Variants in WDR19 observed in about 807,000 individuals in gnomAD.
The protein encoded by WDR19 is WD repeat domain 19.
Under a neutral mutation model 180.0 loss-of-function variants are expected in WDR19, and 121 were observed. The ratio of observed to expected loss-of-function variants is 0.67; its 90% CI spans 0.58 to 0.78. WDR19 has a LOEUF of 0.78. Ranked by LOEUF, WDR19 falls within the 30% of genes least tolerant of loss-of-function variation. WDR19 has a pLI of 0.00. For missense variants in WDR19, 1,450 were observed against 1,640.7 expected (o/e 0.88, Z 2.01); for synonymous variants, 497 against 540.7 (o/e 0.92, Z 1.12).
intron 15 of WDR19, among the ~76,000 whole-genome samples, chr4:39,227,404 A>G (rs186879240): frequency 7.2e-5 from 11 of 152,272 alleles, no homozygotes; most frequent in Middle Eastern, 3.4e-3. Context: ...AGCCCACCCT[A>G]TCTGTGGGTT....
chr4:39,212,421 C>T (rs1304718069), intron 9 of WDR19, among the ~76,000 whole-genome samples: 7 of 152,058 alleles, frequency 4.6e-5, no homozygotes, highest in Admixed American at 4.6e-4. Context: ...ACCAAAAGTA[C>T]GATCTATAAA....
intron 1 of WDR19, among the ~76,000 whole-genome samples, chr4:39,184,735 C>T (rs35937374): frequency 0.45 from 68,674 of 152,040 alleles, 18,651 homozygotes; most frequent in East Asian, 0.62. Context: ...GACTAAGTCC[C>T]GTGTAACAGT....
intron 31 of WDR19, among the ~76,000 whole-genome samples, chr4:39,270,576 C>A (rs1578042194): frequency 6.6e-6 from 1 of 152,184 alleles, no homozygotes; most frequent in East Asian, 1.9e-4. Flanking sequence ...TGGGGTTTCA[C>A]CATGTTGGCC....
chr4:39,240,410 C>T (rs1022302925), intron 21 of WDR19, 76 bp downstream of exon 21: 41 of 920,526 alleles, frequency 4.5e-5, no homozygotes, highest in Non-Finnish European at 5.7e-5. Flanking sequence ...AAATCATGGT[C>T]TTATTTGTAT....
rs752803760 is a variant in WDR19 at position 39,216,129 on chromosome 4, C to A, written c.1168C>A (p.Pro390Thr). 2.3e-5 allele frequency: 37 copies of A among 1,593,850 alleles called. No homozygotes were observed. Among genetic ancestry groups the A allele is most frequent in the Middle Eastern group, 1.7e-4 (1 of 6,060 alleles). The change falls in exon 12 of 37, where the codon CCC (proline) becomes ACC (threonine). Residue 390 changes from proline (P) to threonine (T), a missense_variant. Coordinates refer to ENST00000399820, the MANE Select transcript of WDR19 (RefSeq NM_025132.4). ...AATCACAGTTTCTGTTGATGTGGAA[C>A]CCAACTTTGTGGCAGTAGGTCTTTA... ...LPITVSVDVE[P>T]NFVAVGLYHL...
chr4:39,185,827 C>T lies in WDR19; in HGVS notation c.98+10C>T, dbSNP rs746441289. 142 of 1,543,576 alleles carry T rather than the reference C, an allele frequency of 9.2e-5. No homozygotes were observed. Among genetic ancestry groups the T allele is most frequent in the Non-Finnish European group, 1.2e-4 (137 of 1,140,418 alleles). ...ACCTTGCAGTAACAGGGTAAGAAAC[C>T]AATGAATGTTTTAAGCAGTGGTTGC... is the stretch of plus-strand genomic sequence containing the variant. On this transcript the variant is annotated intron_variant, in intron 2 of 36. Transcript: ENST00000399820.
intron 6 of WDR19, among the ~76,000 whole-genome samples, chr4:39,203,149 A>AAGTGC (rs1202088432): frequency 6.9e-6 from 1 of 144,186 alleles, no homozygotes; most frequent in African/African-American, 2.6e-5. Flanking sequence ...TCTTGCTCTG[A>AAGTGC]AGTGCAGTGG....
rs1346233665 is a variant in WDR19, at chr4:39,274,616, T to C, written c.3566-192T>C. The C allele has an allele frequency of 8.2e-6, 5 of 606,282 alleles. No individual in the cohort carries two copies. The East Asian group carries it at 8.5e-5, about 10-fold the overall frequency. 37.6% of individuals were successfully genotyped at this position (606,282 alleles called of 1,614,324 possible). On this transcript the variant is annotated intron_variant, in intron 32 of 36. Coordinates refer to ENST00000399820, the MANE Select transcript of WDR19 (RefSeq NM_025132.4). Reference sequence around the variant, plus strand: ...CATGGTGTCATCAAAGGAAAAGCACTTGATGGGCAGTTAGCCTGACCCCAC... The same window carrying C: ...CATGGTGTCATCAAAGGAAAAGCACCTGATGGGCAGTTAGCCTGACCCCAC...
chr4:39,185,073 A>G (rs151176104), intron 1 of WDR19, among the ~76,000 whole-genome samples: 3 of 152,346 alleles, frequency 2.0e-5, no homozygotes, highest in East Asian at 3.9e-4. Context: ...TATACATTTT[A>G]TATTTACAGC....
chr4:39,217,311 A>T lies in WDR19; in HGVS notation c.1356+71A>T, dbSNP rs1480306044. ...ACAGCCTAATGTCTGATTATCAAGA[A>T]TATTGGTCAGGAAGCAAGGATGTAC... On this transcript the variant is annotated intron_variant, in intron 13 of 36. Transcript: ENST00000399820. The T allele has an allele frequency of 3.9e-6, 5 of 1,269,854 alleles. No individual in the cohort carries two copies. In the African/African-American group the frequency reaches 7.4e-5, roughly 19 times the overall value. The allele number at this position is 1,269,854 out of a possible 1,614,324, so 78.7% of individuals were successfully genotyped here.
chr4:39,202,282 T>C (rs1390976980), intron 6 of WDR19, among the ~76,000 whole-genome samples: 1 of 152,218 alleles, frequency 6.6e-6, no homozygotes, highest in Non-Finnish European at 1.5e-5. Context: ...TAATCATCTG[T>C]GTATACATTG....
chr4:39,263,916 C>T (rs2109475295), intron 28 of WDR19, among the ~76,000 whole-genome samples: 1 of 78,746 alleles, frequency 1.3e-5, no homozygotes, highest in East Asian at 3.8e-4. Flanking sequence ...AAGAGCGAAA[C>T]TCCATCTAAA....
At chr4:39,217,051 C>G (rs1729138746) in intron 12 of WDR19, 83 bp from the exon 13 acceptor site, 2 of 900,942 alleles carry the variant, frequency 2.2e-6, no homozygotes, top group Non-Finnish European at 3.3e-6. Context: ...TTTGCAAAAG[C>G]ACACCTTTTA....
chr4:39,195,387 C>CAAAAAAAAAAAAAAA (rs11372483), intron 5 of WDR19, among the ~76,000 whole-genome samples: 1 of 141,872 alleles, frequency 7.0e-6, no homozygotes, highest in Non-Finnish European at 1.5e-5. Context: ...AACAAAAAAA[C>CAAAAAAAAAAAAAAA]AAACAAACAA....
intron 14 of WDR19, among the ~76,000 whole-genome samples, chr4:39,221,494 A>G (rs1729698095): frequency 1.3e-5 from 2 of 152,224 alleles, no homozygotes; most frequent in South Asian, 2.1e-4. Flanking sequence ...TTTAATTGAT[A>G]TGCAAAAAAA....
At position 39,255,974 on chromosome 4, in the gene WDR19, A is replaced by G; in HGVS notation, c.3114+14A>G. The G allele has an allele frequency of 7.1e-7, 1 of 1,401,444 alleles. No homozygotes were observed. Among genetic ancestry groups the G allele is most frequent in the Non-Finnish European group, 9.6e-7 (1 of 1,044,600 alleles). 86.8% of individuals were successfully genotyped at this position (1,401,444 alleles called of 1,614,324 possible). ...CAATATTCACGAGTTAGTATTTGCC[A>G]AGAAAATATACACTGACTCCGCAGG... On this transcript the variant is annotated intron_variant, in intron 27 of 36. Coordinates refer to ENST00000399820, the MANE Select transcript of WDR19 (RefSeq NM_025132.4).
At position 39,205,154 on chromosome 4, in the gene WDR19, A is replaced by G. The variant is rs1727814465; in HGVS notation, c.604A>G (p.Ile202Val). 2 of 1,574,834 alleles carry G rather than the reference A, an allele frequency of 1.3e-6. No homozygotes were observed. The highest frequency in any genetic ancestry group is 1.9e-5 in the Admixed American group (1 of 54,042). The stretch of plus-strand genomic sequence containing the variant: ...ACAATCTCCTAATCTTTTCTGGCAG[A>G]TAAGTGTGGTGCTTGGCAAGAAAAC... Reference protein sequence around the residue: ...DDRTSAAESMISVVLGKKTLF... With the variant: ...DDRTSAAESMVSVVLGKKTLF... Residue 202 changes from isoleucine to valine, a missense_variant and splice_region_variant, in exon 8 of 37, where the codon ATA (isoleucine) becomes GTA (valine). Physicochemically the swap from Ile to Val is conservative, Grantham distance 29 (BLOSUM62 3). Transcript: ENST00000399820.
chr4:39,209,711 CAAAA>C (rs71192833), intron 9 of WDR19, among the ~76,000 whole-genome samples: 1 of 108,686 alleles, frequency 9.2e-6, no homozygotes, highest in African/African-American at 3.7e-5. Context: ...GACTCTGTCT[CAAAA>C]AAAAAAAAAA....
intron 32 of WDR19, 86 bp downstream of exon 32, chr4:39,273,147 A>C (rs978022840): frequency 1.0e-6 from 1 of 1,000,882 alleles, no homozygotes; most frequent in African/African-American, 1.7e-5. Flanking sequence ...GGCTCCCCTC[A>C]TACACTAACT....
Sources: gnomAD v4.1 joint callset for allele counts (sites outside exome capture counted in the v4.1 genomes callset) on GRCh38, gnomAD v4.1.1 for gene constraint, MANE v1.5 for transcripts, NCBI Gene and HGNC (gene_info 2026-07-23, HGNC 2026-07-21) for gene names.